NCAPD3: variants seen among roughly 807,000 people sequenced by gnomAD.
NCAPD3 encodes condensin-2 complex subunit D3.
Under a neutral mutation model 182.9 loss-of-function variants are expected in NCAPD3, and 105 were observed. The ratio of observed to expected loss-of-function variants is 0.57; its 90% confidence interval spans 0.49 to 0.68. The LOEUF is 0.68. Among genes scored for constraint, NCAPD3 ranks in the 30% least tolerant of loss-of-function variants. The pLI, the probability that NCAPD3 is intolerant of heterozygous loss-of-function variation, is 0.00. For synonymous variants in NCAPD3, 815 were observed against 679.9 expected (o/e 1.20, Z -3.09); for missense variants, 1,944 against 1,837.0 (o/e 1.06, Z -1.07).
chr11:134,160,627 G>A (rs148218817), intron 28 of NCAPD3, among the ~76,000 whole-genome samples: 244 of 152,224 alleles, frequency 1.6e-3, no homozygotes, highest in Non-Finnish European at 2.5e-3. Context: ...TCATACCTAG[G>A]GAAAAACATT....
chr11:134,222,731 G>A (rs1181057702), intron 1 of NCAPD3, among the ~76,000 whole-genome samples: 2 of 152,222 alleles, frequency 1.3e-5, no homozygotes, highest in South Asian at 2.1e-4. Context: ...CTGAATGTAA[G>A]AGTTTTGCCA....
intron 2 of NCAPD3, among the ~76,000 whole-genome samples, chr11:134,217,853 C>T (rs1454227776): frequency 1.3e-5 from 2 of 152,114 alleles, no homozygotes; most frequent in Non-Finnish European, 2.9e-5. Flanking sequence ...AATCCCAGCA[C>T]TTTGAGAGGC....
At chr11:134,172,702 T>C (rs988266606) in intron 24 of NCAPD3, among the ~76,000 whole-genome samples, 4 of 152,040 alleles carry the variant, frequency 2.6e-5, no homozygotes, top group African/African-American at 9.7e-5. Flanking sequence ...AGACAGATCA[T>C]AGAATTCTGT....
intron 20 of NCAPD3, 137 bp from the exon 21 acceptor site, chr11:134,179,073 AT>A (rs1944234988): frequency 1.6e-6 from 1 of 621,408 alleles, no homozygotes; most frequent in African/African-American, 1.8e-5. Flanking sequence ...TTTCATAAAA[AT>A]ACATGGCTAT....
chr11:134,153,382 C>A lies in NCAPD3; in HGVS notation c.4253-19G>T, dbSNP rs753095764. 3.7e-6 allele frequency: 6 copies of A among 1,613,422 alleles called. No homozygotes were observed. Among genetic ancestry groups the A allele is most frequent in the African/African-American group, 1.3e-5 (1 of 74,810 alleles). On this transcript the variant is annotated intron_variant, in intron 32 of 34. Transcript: ENST00000534548. ...ATGCTCTCTGCATAAAGAGGAGACA[C>A]CACTGAGTGAAAGCCGCGTGGTCTA...
Position 134,207,035 on chromosome 11 carries a change from T to C in NCAPD3, c.883-303A>G, listed in dbSNP as rs141053525. ...TTTAGGACAAATAGGGAATTAACTG[T>C]CATTTACATAGGGCAAAGAATGCTA... On this transcript the variant is annotated intron_variant, in intron 7 of 34. Transcript: ENST00000534548. 4.2e-3 allele frequency among the ~76,000 whole-genome samples: 634 copies of C among 152,272 alleles called. 4 individuals are homozygous for C. The highest frequency in any genetic ancestry group is 0.015 in the African/African-American group (607 of 41,558).
At chr11:134,207,221 T>C (rs181308532) in intron 7 of NCAPD3, among the ~76,000 whole-genome samples, 1 of 152,254 alleles carries the variant, frequency 6.6e-6, no homozygotes, top group East Asian at 1.9e-4. Flanking sequence ...AAGTAAGTGG[T>C]AGGTATTGCA....
At chr11:134,211,710 T>C (rs986367033) in intron 3 of NCAPD3, among the ~76,000 whole-genome samples, 4 of 152,012 alleles carry the variant, frequency 2.6e-5, no homozygotes, top group African/African-American at 9.7e-5. Context: ...AAAAAAATTT[T>C]AAAGAAGCAA....
At chr11:134,207,236 G>T (rs924055080) in intron 7 of NCAPD3, among the ~76,000 whole-genome samples, 1 of 151,898 alleles carries the variant, frequency 6.6e-6, no homozygotes, top group African/African-American at 2.4e-5. Context: ...ATTGCATTAA[G>T]CACTTTCATC....
At chr11:134,167,336 G>C (rs1276858671) in intron 27 of NCAPD3, among the ~76,000 whole-genome samples, 2 of 40,944 alleles carry the variant, frequency 4.9e-5, no homozygotes, top group South Asian at 1.1e-3. Context: ...CCTGGGGGAG[G>C]CGCACACTCG....
intron 13 of NCAPD3, among the ~76,000 whole-genome samples, chr11:134,195,381 G>A (rs1200756478): frequency 6.6e-6 from 1 of 152,116 alleles, no homozygotes; most frequent in Admixed American, 6.5e-5. Context: ...TTATAGGAGT[G>A]AGCTACCACG....
intron 6 of NCAPD3, 42 bp downstream of exon 6, chr11:134,209,103 C>A: frequency 6.3e-7 from 1 of 1,588,634 alleles, no homozygotes. Context: ...AAAATTGGTA[C>A]ACTATACTTA....
chr11:134,184,399 C>T (rs554271715), intron 19 of NCAPD3, among the ~76,000 whole-genome samples: 89 of 152,350 alleles, frequency 5.8e-4, no homozygotes, highest in African/African-American at 2.1e-3. Flanking sequence ...TAAAGACACT[C>T]GCACCTGCGA....
chr11:134,163,111 G>C (rs748732142), intron 27 of NCAPD3, among the ~76,000 whole-genome samples: 2 of 152,144 alleles, frequency 1.3e-5, no homozygotes, highest in African/African-American at 2.4e-5. Flanking sequence ...GGGAAAGGTG[G>C]AAGGCACACC....
At chr11:134,215,187 A>G (rs117266153) in intron 3 of NCAPD3, among the ~76,000 whole-genome samples, 1,999 of 152,144 alleles carry the variant, frequency 0.013, 32 homozygotes, top group Non-Finnish European at 0.023. Flanking sequence ...TAATAACTTA[A>G]TAAGGGCCAT....
At chr11:134,175,361 T>G (rs1032141075) in intron 24 of NCAPD3, among the ~76,000 whole-genome samples, 1 of 152,196 alleles carries the variant, frequency 6.6e-6, no homozygotes, top group Non-Finnish European at 1.5e-5. Flanking sequence ...TAAGAGGGTG[T>G]GTGAAGCTAT....
In NCAPD3 at chr11:134,203,668, T is replaced by C; in HGVS notation, c.1454A>G (p.Glu485Gly). The C allele has an allele frequency of 6.2e-7, 1 of 1,612,954 alleles. No homozygotes were observed. Among genetic ancestry groups the C allele is most frequent in the Non-Finnish European group, 8.5e-7 (1 of 1,179,986 alleles). ...GCCATACTCACTGTTAATCAGGAGCTCCAGGATACTCTCCGACGCACTGGT... is the reference window on the plus strand; with the variant it reads ...GCCATACTCACTGTTAATCAGGAGCCCCAGGATACTCTCCGACGCACTGGT... ...TVTSASESIL[E>G]LLINSPTFSV... The change falls in exon 11 of 35, where the codon GAG becomes GGG. Residue 485 changes from glutamate to glycine, a missense_variant. Physicochemically the swap from Glu to Gly is moderately conservative, Grantham distance 98 (BLOSUM62 -2). Coordinates refer to ENST00000534548, the MANE Select transcript of NCAPD3 (RefSeq NM_015261.3).
chr11:134,175,003 G>A (rs550416445), intron 24 of NCAPD3, among the ~76,000 whole-genome samples: 46 of 152,222 alleles, frequency 3.0e-4, no homozygotes, highest in South Asian at 8.3e-4. Flanking sequence ...CCCAGGATGC[G>A]GACATAAAAG....
In NCAPD3 at chr11:134,220,792, A is replaced by T. The variant is rs539767988; in HGVS notation, c.65-66T>A. 1,213 of 1,484,198 alleles carry T rather than the reference A, an allele frequency of 8.2e-4. 3 individuals are homozygous for T. Among genetic ancestry groups the T allele is most frequent in the Middle Eastern group, 1.2e-3 (7 of 5,692 alleles). 91.9% of individuals were successfully genotyped at this position (1,484,198 alleles called of 1,614,324 possible). ...AAGTAAAAAAACTAGTCACCTTTAG[A>T]TTCCAGGTGTGTTCAAGAGGAGAAA... On this transcript the variant is annotated intron_variant, in intron 1 of 34. Transcript: ENST00000534548.
Sources: gnomAD v4.1 joint callset for allele counts (sites outside exome capture counted in the v4.1 genomes callset) on GRCh38, gnomAD v4.1.1 for gene constraint, MANE v1.5 for transcripts, NCBI Gene and HGNC (gene_info 2026-07-23, HGNC 2026-07-21) for gene names.